The following EDA variants were observed in gnomAD, a reference collection of about 807,000 sequenced individuals.
The protein encoded by EDA is ectodysplasin-A.
EDA carries 2 observed loss-of-function variants against 23.6 expected under a neutral mutation model. That is an observed-to-expected ratio of 0.08 (90% CI 0.03 to 0.27). The LOEUF (loss-of-function observed/expected upper bound fraction) is 0.27. Among genes scored for constraint, EDA ranks in the 10% least tolerant of loss-of-function variants. The probability of loss-of-function intolerance (pLI) is 1.00; values close to 1 mark genes in which losing one functional copy is unlikely to be tolerated. For synonymous variants in EDA, 131 were observed against 132.0 expected, an observed-to-expected ratio of 0.99 and a Z score of 0.05; for missense variants, 229 against 324.2, an observed-to-expected ratio of 0.71 and a Z score of 2.26.
intron 2 of EDA, among the ~76,000 whole-genome samples, chrX:69,999,623 AAAAAAAAAAAAAGG>A (rs1301286426): frequency 2.0e-4 from 22 of 108,500 alleles, no homozygotes; most frequent in African/African-American, 7.0e-4. Flanking sequence ...TCTCAGAGAA[AAAAAAAAAAAAAGG>A]AAAAAAAGAA....
chrX:69,688,243 G>A (rs937025075), intron 1 of EDA, among the ~76,000 whole-genome samples: 10 of 111,399 alleles, frequency 9.0e-5, no homozygotes, highest in Admixed American at 7.6e-4. Context: ...GATACTATGG[G>A]GGAAAGAAAA....
chrX:69,833,642 G>A (rs1183782930), intron 1 of EDA, among the ~76,000 whole-genome samples: 6 of 110,696 alleles, frequency 5.4e-5, no homozygotes, highest in African/African-American at 2.0e-4. Flanking sequence ...TTGTACCTCT[G>A]GTAGAATTCG....
intron 1 of EDA, among the ~76,000 whole-genome samples, chrX:69,898,532 G>C (rs775738797): frequency 9.1e-6 from 1 of 110,269 alleles, no homozygotes; most frequent in Non-Finnish European, 1.9e-5. Flanking sequence ...GCAGTGAGCC[G>C]AGATCACACC....
At chrX:69,662,728 G>A (rs1933553541) in intron 1 of EDA, among the ~76,000 whole-genome samples, 2 of 112,174 alleles carry the variant, frequency 1.8e-5, no homozygotes, top group South Asian at 3.7e-4. Context: ...GAACTTCCTA[G>A]AGACTTGTTG....
chrX:69,662,588 G>A, intron 1 of EDA, among the ~76,000 whole-genome samples: 1 of 112,028 alleles, frequency 8.9e-6, no homozygotes, highest in Non-Finnish European at 1.9e-5. Context: ...CAGTAAATTG[G>A]CACCGAGGTA....
At position 69,660,456 on chromosome X, in the gene EDA, A is replaced by AG. The variant is rs1161285453; in HGVS notation, c.396+43752_396+43753insG. Among the ~76,000 whole-genome samples the AG allele has an allele frequency of 4.5e-5, 5 of 110,113 alleles. No individual in the cohort carries two copies. The East Asian group carries it at 1.4e-3, about 31-fold the overall frequency. On this transcript the variant is annotated intron_variant, in intron 1 of 7. Coordinates refer to ENST00000374552, the MANE Select transcript of EDA (RefSeq NM_001399.5). ...TGCTGCACCCATTAACTCGTCATTT[A>AG]CATTAGGTATATCTCCTAATGCTAT... is the stretch of plus-strand genomic sequence containing the variant.
At position 69,786,898 on chromosome X, in the gene EDA, G is replaced by T. The variant is rs2015206198; in HGVS notation, c.397-170129G>T. Among the ~76,000 whole-genome samples, 3 of 107,115 alleles carry T rather than the reference G, an allele frequency of 2.8e-5. No homozygotes were observed. In the South Asian group the frequency reaches 1.2e-3, roughly 44 times the overall value. 93.0% of individuals were successfully genotyped at this position (107,115 alleles called of 115,157 possible). ...CTGATGTTGACAGTGGGGTGTTAAA[G>T]TCTCCCATTATTAATGTGTGGGAGT... On this transcript the variant is annotated intron_variant, in intron 1 of 7. Transcript: ENST00000374552.
At chrX:69,725,385 T>C (rs1489305156) in intron 1 of EDA, among the ~76,000 whole-genome samples, 1 of 112,262 alleles carries the variant, frequency 8.9e-6, no homozygotes, top group African/African-American at 3.2e-5. Flanking sequence ...TAACCCCTTA[T>C]TCATCTGGCA....
intron 1 of EDA, among the ~76,000 whole-genome samples, chrX:69,751,571 T>C (rs1327537004): frequency 8.9e-6 from 1 of 111,810 alleles, no homozygotes; most frequent in Non-Finnish European, 1.9e-5. Context: ...AGAAAGTCAT[T>C]GGTAGCTTGA....
intron 1 of EDA, among the ~76,000 whole-genome samples, chrX:69,785,016 T>G (rs1449142445): frequency 9.1e-6 from 1 of 109,335 alleles, no homozygotes; most frequent in Non-Finnish European, 1.9e-5. Context: ...ACATCCCTTG[T>G]AAGTTGGATT....
chrX:69,676,876 G>T (rs972794980), intron 1 of EDA, among the ~76,000 whole-genome samples: 3 of 108,270 alleles, frequency 2.8e-5, no homozygotes, highest in African/African-American at 1.0e-4. Context: ...TGTGCACAAT[G>T]TGCAGGTTAG....
chrX:69,893,370 C>T lies in EDA; in HGVS notation c.397-63657C>T, dbSNP rs190948544. On this transcript the variant is annotated intron_variant, in intron 1 of 7. Transcript: ENST00000374552. Reference sequence around the variant, plus strand: ...CAAACAAGGCCGCATTCACAGGTTCCAAGTTAGGACATGAACTTATCTTTT... The same window carrying T: ...CAAACAAGGCCGCATTCACAGGTTCTAAGTTAGGACATGAACTTATCTTTT... Among the ~76,000 whole-genome samples the T allele has an allele frequency of 2.7e-5, 3 of 111,761 alleles. No homozygotes were observed. In the East Asian group the frequency reaches 8.5e-4, roughly 32 times the overall value.
At chrX:69,690,114 A>T (rs1934668975) in intron 1 of EDA, among the ~76,000 whole-genome samples, 1 of 110,865 alleles carries the variant, frequency 9.0e-6, no homozygotes, top group African/African-American at 3.3e-5. Context: ...TGTTATCTGC[A>T]AACAGAGAGA....
In EDA at chrX:69,616,316, A is replaced by G. The variant is rs954801581; in HGVS notation, c.8A>G (p.Tyr3Cys). 8.4e-7 allele frequency: 1 copy of G among 1,194,502 alleles called. No individual in the cohort carries two copies. Among genetic ancestry groups the G allele is most frequent in the Non-Finnish European group, 1.1e-6 (1 of 890,926 alleles). Reference protein sequence around the residue: MGYPEVERRELLP... With the variant: MGCPEVERRELLP... Reference sequence around the variant, plus strand: ...TGGGTGTCTCCGGAGGCCATGGGCTACCCGGAGGTGGAGCGCAGGGAACTC... The same window carrying G: ...TGGGTGTCTCCGGAGGCCATGGGCTGCCCGGAGGTGGAGCGCAGGGAACTC... The change falls in exon 1 of 8, where the codon TAC (tyrosine) becomes TGC (cysteine). Residue 3 changes from tyrosine (Y) to cysteine (C), a missense_variant. Around this residue, in one of 2 missense-constraint regions of EDA, gnomAD observed 54 missense variants for 42.4 expected, o/e 1.27. Transcript: ENST00000374552.
intron 1 of EDA, among the ~76,000 whole-genome samples, chrX:69,942,380 T>C (rs569846360): frequency 2.7e-5 from 3 of 111,727 alleles, no homozygotes; most frequent in African/African-American, 9.7e-5. Context: ...ACAGGCCTGG[T>C]GTTGAAATCC....
Position 69,732,748 on chromosome X carries a change from C to T in EDA, c.396+116044C>T, listed in dbSNP as rs766719791. Among the ~76,000 whole-genome samples, 108 of 112,015 alleles carry T rather than the reference C, an allele frequency of 9.6e-4. 2 individuals are homozygous for T. Among genetic ancestry groups the T allele is most frequent in the South Asian group, 4.9e-3 (13 of 2,634 alleles). On this transcript the variant is annotated intron_variant, in intron 1 of 7. Coordinates refer to ENST00000374552, the MANE Select transcript of EDA (RefSeq NM_001399.5). ...AAAAGTGTTCCTATTTCTCCACATC[C>T]TCTCCAGCACCTGTTGTTTCCTGAC...
chrX:69,763,469 T>C (rs1306549125), intron 1 of EDA, among the ~76,000 whole-genome samples: 1 of 112,176 alleles, frequency 8.9e-6, no homozygotes, highest in East Asian at 2.8e-4. Flanking sequence ...GATTTATCAG[T>C]TCAAAAATAT....
At chrX:69,699,302 TGAA>T (rs1171029472) in intron 1 of EDA, among the ~76,000 whole-genome samples, 6 of 111,211 alleles carry the variant, frequency 5.4e-5, no homozygotes, top group Middle Eastern at 4.6e-3. Context: ...TCCTTGTTTT[TGAA>T]GGTTTTGGGC....
At chrX:69,726,537 A>C (rs780437357) in intron 1 of EDA, among the ~76,000 whole-genome samples, 13 of 112,777 alleles carry the variant, frequency 1.2e-4, no homozygotes, top group African/African-American at 2.6e-4. Context: ...TCTAACTTTT[A>C]ATATATAATG....
Sources: gnomAD v4.1 joint callset for allele counts (sites outside exome capture counted in the v4.1 genomes callset) on GRCh38, gnomAD v4.1.1 for gene constraint, gnomAD v4.1.1 regional missense constraint, MANE v1.5 for transcripts, NCBI Gene and HGNC (gene_info 2026-07-23, HGNC 2026-07-21) for gene names.